Variants in ARID1A observed in about 807,000 individuals in gnomAD.
The protein encoded by ARID1A is AT-rich interactive domain-containing protein 1A.
A neutral mutation model predicts 212.6 loss-of-function variants in ARID1A; 20 were observed. That is an observed-to-expected ratio of 0.09 (90% confidence interval 0.07 to 0.14). The LOEUF is 0.14. Among genes scored for constraint, ARID1A ranks in the 10% least tolerant of loss-of-function variants. The pLI, the probability that ARID1A is intolerant of heterozygous loss-of-function variation, is 1.00. For missense variants in ARID1A, 2,587 were observed against 3,059.0 expected, an observed-to-expected ratio of 0.85 and a Z score of 3.64; for synonymous variants, 1,376 against 1,222.1, an observed-to-expected ratio of 1.13 and a Z score of -2.63.
chr1:26,763,846 T>G (rs1345251910), intron 8 of ARID1A, among the ~76,000 whole-genome samples: 1 of 152,198 alleles, frequency 6.6e-6, no homozygotes, highest in African/African-American at 2.4e-5. Context: ...TGAATTGCAG[T>G]GGCATGACCA....
intron 4 of ARID1A, among the ~76,000 whole-genome samples, chr1:26,738,880 T>G (rs2080760234): frequency 7.0e-6 from 1 of 143,564 alleles, no homozygotes; most frequent in African/African-American, 2.6e-5. Flanking sequence ...TCTTTTGTTT[T>G]TTTTTTTTTT....
chr1:26,711,111 G>T (rs1049210375), intron 1 of ARID1A, among the ~76,000 whole-genome samples: 2 of 150,990 alleles, frequency 1.3e-5, no homozygotes, highest in Admixed American at 6.6e-5. Context: ...TATGTCTCTT[G>T]CTCTTTTTTT....
intron 4 of ARID1A, among the ~76,000 whole-genome samples, chr1:26,734,014 A>G (rs2080705139): frequency 6.6e-6 from 1 of 152,202 alleles, no homozygotes; most frequent in South Asian, 2.1e-4. Context: ...CAGAATGCAG[A>G]TAGGACGTCT....
intron 2 of ARID1A, 146 bp from the exon 3 acceptor site, chr1:26,731,006 T>TGAGA: frequency 1.1e-6 from 1 of 907,374 alleles, no homozygotes; most frequent in Non-Finnish European, 1.7e-6. Context: ...TTAGGCAGGG[T>TGAGA]GAGAGAAAAA....
intron 1 of ARID1A, among the ~76,000 whole-genome samples, chr1:26,722,660 A>G (rs192274991): frequency 6.6e-5 from 10 of 152,342 alleles, no homozygotes; most frequent in Non-Finnish European, 1.5e-4. Flanking sequence ...CCAAAGGCAG[A>G]TGGTCAGTTT....
rs2124120175 is a variant in ARID1A at position 26,774,750 on chromosome 1, A to T, written c.4523A>T (p.Tyr1508Phe). ...WQGRNDMTYN[Y>F]ANRQSTGSAP... ...GGGCGTAATGACATGACCTATAATTATGCCAACAGGCAGAGCACGGGCTCT... is the reference window on the plus strand; with the variant it reads ...GGGCGTAATGACATGACCTATAATTTTGCCAACAGGCAGAGCACGGGCTCT... The change falls in exon 18 of 20, where the codon TAT (tyrosine) becomes TTT (phenylalanine). Residue 1508 changes from tyrosine (Y) to phenylalanine (F), a missense_variant. Physicochemically the swap from Tyr to Phe is conservative, Grantham distance 22. This residue lies in a region of ARID1A where 890 missense variants were observed against 1,098.2 expected (regional missense o/e 0.81). Transcript: ENST00000324856. This position sits in a 1 kb window ranked among gnomAD's most constrained non-coding sequence, Gnocchi z 5.6. 6.2e-7 allele frequency: 1 copy of T among 1,614,252 alleles called. No individual in the cohort carries two copies. Among genetic ancestry groups the T allele is most frequent in the Non-Finnish European group, 8.5e-7 (1 of 1,180,048 alleles).
rs140055856 is a variant in ARID1A at position 26,779,440 on chromosome 1, G to T, written c.5542G>T (p.Gly1848Trp). ...DSGLLHWRIG[G>W]GDTTEHIQTH... ...TGGCCTGCTGCACTGGCGGATTGGTGGGGGGGACACCACTGAGCATATCCA... is the reference window on the plus strand; with the variant it reads ...TGGCCTGCTGCACTGGCGGATTGGTTGGGGGGACACCACTGAGCATATCCA... Residue 1848 changes from glycine to tryptophan, a missense_variant, in exon 20 of 20, where the codon GGG (glycine) becomes TGG (tryptophan). This residue lies in a region of ARID1A where 890 missense variants were observed against 1,098.2 expected (regional missense o/e 0.81). Coordinates refer to ENST00000324856, the MANE Select transcript of ARID1A (RefSeq NM_006015.6). The T allele has an allele frequency of 2.9e-5, 46 of 1,613,916 alleles. No individual in the cohort carries two copies. The highest frequency in any genetic ancestry group is 2.0e-4 in the Admixed American group (12 of 59,986).
rs2080245858 is a variant in ARID1A, at chr1:26,696,052, G to A, written c.-352G>A. 1 of 666,538 alleles carries A rather than the reference G, an allele frequency of 1.5e-6. No homozygotes were observed. The highest frequency in any genetic ancestry group is 2.0e-5 in the African/African-American group (1 of 51,094). 41.3% of individuals were successfully genotyped at this position (666,538 alleles called of 1,614,324 possible). On this transcript the variant is annotated 5_prime_UTR_variant, in exon 1 of 20. Coordinates refer to ENST00000324856, the MANE Select transcript of ARID1A (RefSeq NM_006015.6). ...GCAGCAGAAAGCGGAGAGTCACAGCGGGGCCAGGCCCTGGGGAGCGGAGCC... is the reference window on the plus strand; with the variant it reads ...GCAGCAGAAAGCGGAGAGTCACAGCAGGGCCAGGCCCTGGGGAGCGGAGCC...
intron 4 of ARID1A, among the ~76,000 whole-genome samples, chr1:26,759,165 C>G (rs2080968062): frequency 6.6e-6 from 1 of 152,142 alleles, no homozygotes; most frequent in Admixed American, 6.6e-5. Context: ...ATCTCCTCCT[C>G]CTTGAGATGT....
At chr1:26,698,717 C>T (rs1363293264) in intron 1 of ARID1A, among the ~76,000 whole-genome samples, 1 of 152,154 alleles carries the variant, frequency 6.6e-6, no homozygotes, top group East Asian at 1.9e-4. Flanking sequence ...TTTGATGGCT[C>T]TGAAGATGCA....
intron 19 of ARID1A, chr1:26,778,121 T>C (rs71636778): frequency 0.13 from 19,386 of 148,158 alleles, 1,431 homozygotes; most frequent in Non-Finnish European, 0.17. Flanking sequence ...ACTAGCCCGA[T>C]GTGGTGGCAG....
At position 26,697,226 on chromosome 1, in the gene ARID1A, G is replaced by C; in HGVS notation, c.823G>C (p.Gly275Arg). 2 of 1,379,026 alleles carry C rather than the reference G, an allele frequency of 1.5e-6. No individual in the cohort carries two copies. The highest frequency in any genetic ancestry group is 1.9e-6 in the Non-Finnish European group (2 of 1,072,876). 85.4% of individuals were successfully genotyped at this position (1,379,026 alleles called of 1,614,324 possible). A position where few individuals can be genotyped will look rare whatever the true frequency, so the allele number is the denominator to read the frequency against. Residue 275 changes from glycine to arginine, a missense_variant, in exon 1 of 20, where the codon GGG becomes CGG. Physicochemically the swap from Gly to Arg is moderately radical, Grantham distance 125 (BLOSUM62 -2). Around this residue, in one of 11 missense-constraint regions of ARID1A, gnomAD observed 735 missense variants for 590.6 expected, o/e 1.24. Transcript: ENST00000324856. ...SFAQQRFGAM[G>R]GGGPSAAGGG... ...CGCTCAGCAGCGCTTCGGGGCCATG[G>C]GGGGAGGCGGCCCCTCCGCGGCCGG...
intron 4 of ARID1A, among the ~76,000 whole-genome samples, chr1:26,756,269 C>T (rs934295071): frequency 5.3e-5 from 8 of 151,146 alleles, no homozygotes; most frequent in South Asian, 2.1e-4. Context: ...AAAAATTAGC[C>T]GGGGGGCCAG....
chr1:26,714,188 T>C (rs2080479940), intron 1 of ARID1A, among the ~76,000 whole-genome samples: 1 of 152,230 alleles, frequency 6.6e-6, no homozygotes, highest in Non-Finnish European at 1.5e-5. Context: ...GTGACTGGTA[T>C]GGCCCTGTAT....
In ARID1A at chr1:26,696,691, G is replaced by A; in HGVS notation, c.288G>A (p.Ala96=). 1.5e-6 allele frequency: 2 copies of A among 1,333,382 alleles called. No individual in the cohort carries two copies. The highest frequency in any genetic ancestry group is 1.9e-6 in the Non-Finnish European group (2 of 1,042,770). The allele number at this position is 1,333,382 out of a possible 1,614,324, so 82.6% of individuals were successfully genotyped here. A position where few individuals can be genotyped will look rare whatever the true frequency, so the allele number is the denominator to read the frequency against. The change falls in exon 1 of 20, where the codon GCG becomes GCA. Residue 96 remains alanine (A), a synonymous_variant. Transcript: ENST00000324856. ...CCGGCAGCGGCGGCGGGCCCGGCGC[G>A]GAGCCGGACCTGAAGAACTCGAACG... ...GGAGSGGGPG[A]EPDLKNSNGN...
Position 26,766,280 on chromosome 1 carries a change from G to C in ARID1A, c.2792G>C (p.Gly931Ala), listed in dbSNP as rs2124079677. ...ATGATGGGAACTGGACCTCCTTATG[G>C]ACAAGGGATTAATAGTATGGCTGGC... Reference protein sequence around the residue: ...GGMMGTGPPYGQGINSMAGMI... With the variant: ...GGMMGTGPPYAQGINSMAGMI... Residue 931 changes from glycine (G) to alanine (A), a missense_variant, in exon 9 of 20, where the codon GGA becomes GCA. By Grantham distance (60) the Gly-to-Ala change is moderately conservative. Around this residue, in one of 11 missense-constraint regions of ARID1A, gnomAD observed 674 missense variants for 813.4 expected, o/e 0.83. Coordinates refer to ENST00000324856, the MANE Select transcript of ARID1A (RefSeq NM_006015.6). 6.2e-7 allele frequency: 1 copy of C among 1,614,132 alleles called. No homozygotes were observed.
At chr1:26,763,516 T>G (rs879002839) in intron 8 of ARID1A, among the ~76,000 whole-genome samples, 5 of 152,210 alleles carry the variant, frequency 3.3e-5, no homozygotes, top group Non-Finnish European at 5.9e-5. Context: ...CTCATGCCTG[T>G]AATCCTAGCA....
rs1064004 is a variant in ARID1A, at chr1:26,774,423, A to C, written c.4196A>C (p.Gln1399Pro). 1.3e-5 allele frequency: 21 copies of C among 1,613,188 alleles called. No individual in the cohort carries two copies. In the East Asian group the frequency reaches 4.7e-4, roughly 36 times the overall value. Residue 1399 changes from glutamine (Q) to proline (P), a missense_variant, in exon 18 of 20, where the codon CAG becomes CCG. Coordinates refer to ENST00000324856, the MANE Select transcript of ARID1A (RefSeq NM_006015.6). This position sits in a 1 kb window ranked among gnomAD's most constrained non-coding sequence, Gnocchi z 5.6. ...GTGCCATACAGCACTGGGCAGGGGC[A>C]GCCTCAGCAGCAGCAGTTGCCCCCA... Reference protein sequence around the residue: ...YSVPYSTGQGQPQQQQLPPAQ... With the variant: ...YSVPYSTGQGPPQQQQLPPAQ...
chr1:26,703,172 C>CAGTACAAAGTCCA (rs2080347386), intron 1 of ARID1A, among the ~76,000 whole-genome samples: 2 of 152,168 alleles, frequency 1.3e-5, no homozygotes, highest in African/African-American at 4.8e-5. Context: ...GTTCCTGGGT[C>CAGTACAAAGTCCA]AGTACAAAGT....
Sources: allele counts gnomAD v4.1 joint callset (sites outside exome capture counted in the v4.1 genomes callset), GRCh38; gene constraint gnomAD v4.1.1; regional missense constraint gnomAD v4.1.1; non-coding constraint Gnocchi (gnomAD v3.1); transcripts MANE v1.5; gene names NCBI Gene and HGNC (gene_info 2026-07-23, HGNC 2026-07-21).